Variants in HORMAD2 observed in about 807,000 individuals in gnomAD.
HORMAD2 encodes HORMA domain-containing protein 2.
A neutral mutation model predicts 38.8 loss-of-function variants in HORMAD2; 45 were observed. That is an observed-to-expected ratio of 1.16 (90% CI 0.91 to 1.49). The LOEUF is 1.49. Ranked by LOEUF, HORMAD2 falls within the 40% of genes most tolerant of loss-of-function variation. The probability of loss-of-function intolerance (pLI) is 0.00; values close to 1 mark genes in which losing one functional copy is unlikely to be tolerated. For missense variants in HORMAD2, 338 were observed against 367.0 expected, an observed-to-expected ratio of 0.92 and a Z score of 0.65; for synonymous variants, 126 against 122.8, an observed-to-expected ratio of 1.03 and a Z score of -0.17.
At chr22:30,129,594 C>T (rs1295313176) in intron 10 of HORMAD2, among the ~76,000 whole-genome samples, 1 of 151,982 alleles carries the variant, frequency 6.6e-6, no homozygotes, top group Non-Finnish European at 1.5e-5. Context: ...GAATTCAAAC[C>T]CAGGCAATTG....
chr22:30,160,647 A>G (rs184133217), intron 10 of HORMAD2, among the ~76,000 whole-genome samples: 13 of 152,272 alleles, frequency 8.5e-5, no homozygotes, highest in African/African-American at 2.9e-4. Context: ...TTCACTATAT[A>G]CCTTTATATT....
In HORMAD2 at chr22:30,176,049, G is replaced by A. The variant is rs553654480; in HGVS notation, c.820-14G>A. 12 of 1,567,904 alleles carry A rather than the reference G, an allele frequency of 7.7e-6. No homozygotes were observed. Among genetic ancestry groups the A allele is most frequent in the African/African-American group, 2.7e-5 (2 of 74,020 alleles). ...TCTCTGCTGAATTGTGCCTCTCTCTGGTGATTCTCACAGATTCAAAGAATG... is the reference window on the plus strand; with the variant it reads ...TCTCTGCTGAATTGTGCCTCTCTCTAGTGATTCTCACAGATTCAAAGAATG... On this transcript the variant is annotated splice_polypyrimidine_tract_variant and intron_variant, in intron 10 of 10. Coordinates refer to ENST00000336726, the MANE Select transcript of HORMAD2 (RefSeq NM_152510.4).
chr22:30,113,476 G>T (rs907788720), intron 7 of HORMAD2, among the ~76,000 whole-genome samples: 1 of 151,974 alleles, frequency 6.6e-6, no homozygotes, highest in Non-Finnish European at 1.5e-5. Flanking sequence ...TAACCTCAGT[G>T]ATCTTCCTGC....
intron 7 of HORMAD2, among the ~76,000 whole-genome samples, chr22:30,113,790 A>T (rs750963804): frequency 1.3e-5 from 2 of 152,122 alleles, no homozygotes; most frequent in Non-Finnish European, 2.9e-5. Context: ...TTGGCTCTTA[A>T]TATTCTTTCT....
intron 10 of HORMAD2, among the ~76,000 whole-genome samples, chr22:30,149,921 C>G (rs1170375840): frequency 6.6e-6 from 1 of 152,156 alleles, no homozygotes; most frequent in African/African-American, 2.4e-5. Context: ...TTGAGAATTT[C>G]CAAGCCATTC....
intron 10 of HORMAD2, among the ~76,000 whole-genome samples, chr22:30,155,655 AAC>A (rs3067136): frequency 4.7e-4 from 70 of 150,148 alleles, no homozygotes; most frequent in East Asian, 1.6e-3. Flanking sequence ...GTATGTACAC[AAC>A]ACACACACAC....
chr22:30,094,013 A>G lies in HORMAD2; in HGVS notation c.51+10A>G, dbSNP rs2068738423. ...ACACAAGGCTTCTAAGGTATTTGTTAAGAATTAAAAGAAAATCAATGACCA... is the reference window on the plus strand; with the variant it reads ...ACACAAGGCTTCTAAGGTATTTGTTGAGAATTAAAAGAAAATCAATGACCA... On this transcript the variant is annotated intron_variant, in intron 2 of 10. Coordinates refer to ENST00000336726, the MANE Select transcript of HORMAD2 (RefSeq NM_152510.4). 7.0e-6 allele frequency: 11 copies of G among 1,576,028 alleles called. No homozygotes were observed. The highest frequency in any genetic ancestry group is 9.6e-6 in the Non-Finnish European group (11 of 1,151,768).
intron 10 of HORMAD2, among the ~76,000 whole-genome samples, chr22:30,143,458 G>GTT (rs200453013): frequency 6.6e-6 from 1 of 151,138 alleles, no homozygotes; most frequent in South Asian, 2.1e-4. Context: ...TTGGCTGACA[G>GTT]TTTTTTTTTC....
intron 5 of HORMAD2, among the ~76,000 whole-genome samples, chr22:30,106,388 T>G (rs1921199572): frequency 6.6e-6 from 1 of 152,058 alleles, no homozygotes; most frequent in Admixed American, 6.6e-5. Context: ...CCTATAATGC[T>G]CATTAGAAAG....
intron 10 of HORMAD2, among the ~76,000 whole-genome samples, chr22:30,161,014 T>A (rs1017398051): frequency 1.3e-5 from 2 of 152,200 alleles, no homozygotes; most frequent in Non-Finnish European, 2.9e-5. Context: ...TTAGGGCCAA[T>A]TTAAAGTGAA....
intron 10 of HORMAD2, among the ~76,000 whole-genome samples, chr22:30,141,762 T>C (rs1477223983): frequency 6.6e-6 from 1 of 151,894 alleles, no homozygotes; most frequent in African/African-American, 2.4e-5. Context: ...CCCCGGCTAA[T>C]TTTTTTGTAT....
intron 7 of HORMAD2, among the ~76,000 whole-genome samples, chr22:30,115,785 C>A (rs1471241328): frequency 6.6e-6 from 1 of 152,120 alleles, no homozygotes; most frequent in Non-Finnish European, 1.5e-5. Flanking sequence ...CTAGAGAGTG[C>A]TGAAGTGGAG....
At chr22:30,162,318 TACACACACACACACACAC>T (rs71198531) in intron 10 of HORMAD2, among the ~76,000 whole-genome samples, 1 of 147,970 alleles carries the variant, frequency 6.8e-6, no homozygotes, top group African/African-American at 2.5e-5. Flanking sequence ...CGTCTCAAAA[TACACACACACACACACAC>T]ACACACACAC....
intron 10 of HORMAD2, among the ~76,000 whole-genome samples, chr22:30,164,891 C>T (rs1019440761): frequency 2.0e-5 from 3 of 152,202 alleles, no homozygotes; most frequent in Non-Finnish European, 2.9e-5. Context: ...TATTTTCTCT[C>T]ATTCCATGGG....
intron 5 of HORMAD2, among the ~76,000 whole-genome samples, chr22:30,110,989 C>T (rs993671216): frequency 6.6e-6 from 1 of 151,288 alleles, no homozygotes; most frequent in Non-Finnish European, 1.5e-5. Context: ...AACCCTGTCT[C>T]TACTAAAAAT....
intron 10 of HORMAD2, 100 bp from the exon 11 acceptor site, chr22:30,175,963 C>A: frequency 1.3e-6 from 1 of 762,824 alleles, no homozygotes; most frequent in East Asian, 2.7e-5. Context: ...ATCCGTTATG[C>A]AGCTTGAGGG....
chr22:30,147,295 C>T (rs1024943432), intron 10 of HORMAD2, among the ~76,000 whole-genome samples: 1 of 151,832 alleles, frequency 6.6e-6, no homozygotes, highest in African/African-American at 2.4e-5. Flanking sequence ...ATCAGTGGAA[C>T]AGAATGGAGA....
intron 10 of HORMAD2, among the ~76,000 whole-genome samples, chr22:30,145,146 T>C (rs1924334645): frequency 6.6e-6 from 1 of 152,222 alleles, no homozygotes; most frequent in Admixed American, 6.5e-5. Context: ...TTTTTAAAAA[T>C]AGTTTTTAGC....
At chr22:30,095,771 A>G (rs1321007748) in intron 2 of HORMAD2, among the ~76,000 whole-genome samples, 1 of 152,190 alleles carries the variant, frequency 6.6e-6, no homozygotes, top group African/African-American at 2.4e-5. Flanking sequence ...CATTTTCCAA[A>G]CTTATTTGAC....
Sources: gnomAD v4.1 joint callset for allele counts (sites outside exome capture counted in the v4.1 genomes callset) on GRCh38, gnomAD v4.1.1 for gene constraint, MANE v1.5 for transcripts, NCBI Gene and HGNC (gene_info 2026-07-23, HGNC 2026-07-21) for gene names.